Variants in WDHD1 observed in about 807,000 individuals in gnomAD.
WDHD1 encodes the protein WD repeat and HMG-box DNA binding protein 1.
A neutral mutation model predicts 135.4 loss-of-function variants in WDHD1; 111 were observed. The ratio of observed to expected loss-of-function variants is 0.82; its 90% CI spans 0.70 to 0.96. WDHD1 has a LOEUF of 0.96. Among genes scored for constraint, WDHD1 ranks in the 40% least tolerant of loss-of-function variants. The pLI is 0.00. For missense variants in WDHD1, 1,351 were observed against 1,336.3 expected, an observed-to-expected ratio of 1.01 and a Z score of -0.17; for synonymous variants, 434 against 439.0, an observed-to-expected ratio of 0.99 and a Z score of 0.14.
intron 24 of WDHD1, among the ~76,000 whole-genome samples, chr14:54,953,053 A>C (rs1369281745): frequency 6.6e-6 from 1 of 152,238 alleles, no homozygotes; most frequent in Admixed American, 6.5e-5. Flanking sequence ...ACCATTCAGG[A>C]TATAGGAATG....
At chr14:55,014,473 T>C (rs541504106) in intron 2 of WDHD1, among the ~76,000 whole-genome samples, 1 of 152,318 alleles carries the variant, frequency 6.6e-6, no homozygotes, top group East Asian at 1.9e-4. Context: ...ATCTTCCTTG[T>C]CCACCATTGT....
chr14:55,010,006 A>T (rs2042140933), intron 4 of WDHD1, among the ~76,000 whole-genome samples: 1 of 151,074 alleles, frequency 6.6e-6, no homozygotes, highest in African/African-American at 2.4e-5. Flanking sequence ...ATTAGTAGAG[A>T]CGGGGTTTTG....
chr14:54,973,549 T>A (rs1216314955), intron 16 of WDHD1, among the ~76,000 whole-genome samples: 1 of 152,204 alleles, frequency 6.6e-6, no homozygotes, highest in Non-Finnish European at 1.5e-5. Flanking sequence ...CCACACAGTA[T>A]GAGGTGGCAG....
chr14:55,013,686 G>T, intron 2 of WDHD1, 90 bp from the exon 3 acceptor site: 1 of 971,368 alleles, frequency 1.0e-6, no homozygotes, highest in Non-Finnish European at 1.6e-6. Flanking sequence ...TGGGAGGATT[G>T]CTTGAGGCCA....
intron 10 of WDHD1, 137 bp downstream of exon 10, chr14:55,000,366 A>G: frequency 1.1e-6 from 1 of 895,568 alleles, no homozygotes. Flanking sequence ...TTTTCTTACT[A>G]TAGATTACTA....
At chr14:54,950,031 G>C (rs952802579) in intron 24 of WDHD1, among the ~76,000 whole-genome samples, 2 of 152,274 alleles carry the variant, frequency 1.3e-5, no homozygotes, top group Middle Eastern at 3.4e-3. Context: ...ACCAGCCACT[G>C]AAAAAACATG....
chr14:54,982,465 C>T (rs2041634562), intron 15 of WDHD1, among the ~76,000 whole-genome samples: 4 of 152,062 alleles, frequency 2.6e-5, no homozygotes, highest in Admixed American at 2.6e-4. Flanking sequence ...TTTTTGTTGG[C>T]CTTGTCACTA....
chr14:54,950,060 C>T (rs529895286), intron 24 of WDHD1, among the ~76,000 whole-genome samples: 1,690 of 152,284 alleles, frequency 0.011, 37 homozygotes, highest in African/African-American at 0.038. Flanking sequence ...TAAAGACCAT[C>T]AAGGCTAGGA....
chr14:55,011,463 G>C (rs2042167697), intron 3 of WDHD1, among the ~76,000 whole-genome samples: 1 of 139,414 alleles, frequency 7.2e-6, no homozygotes, highest in South Asian at 2.3e-4. Context: ...GGCGGCGGTT[G>C]CAGTGAGCTG....
At chr14:55,000,432 T>C in intron 10 of WDHD1, 71 bp downstream of exon 10, 1 of 1,435,708 alleles carries the variant, frequency 7.0e-7, no homozygotes, top group East Asian at 2.6e-5. Context: ...TAAGGCAGTT[T>C]GTGGTGTCTT....
intron 18 of WDHD1, among the ~76,000 whole-genome samples, chr14:54,964,150 G>C (rs928507565): frequency 4.6e-5 from 7 of 152,016 alleles, no homozygotes; most frequent in African/African-American, 1.7e-4. Flanking sequence ...AGAAAAGTTG[G>C]TATTTTGAAG....
intron 16 of WDHD1, among the ~76,000 whole-genome samples, chr14:54,974,599 G>A (rs933655362): frequency 6.6e-6 from 1 of 151,906 alleles, no homozygotes; most frequent in African/African-American, 2.4e-5. Context: ...GCCAAGGCCG[G>A]CAGATCACCT....
intron 16 of WDHD1, 96 bp downstream of exon 16, chr14:54,981,444 T>A (rs953702797): frequency 2.7e-5 from 33 of 1,226,412 alleles, no homozygotes; most frequent in Non-Finnish European, 3.6e-5. Flanking sequence ...GTAATTGGAC[T>A]AAGATAAAAG....
intron 7 of WDHD1, among the ~76,000 whole-genome samples, chr14:55,004,362 T>C (rs1042352154): frequency 3.9e-5 from 6 of 152,234 alleles, no homozygotes; most frequent in African/African-American, 1.4e-4. Context: ...TAACTTTATG[T>C]TTTATTATCT....
intron 21 of WDHD1, 137 bp downstream of exon 21, chr14:54,962,360 GA>G (rs1566713219): frequency 1.4e-6 from 1 of 706,780 alleles, no homozygotes; most frequent in Non-Finnish European, 2.5e-6. Context: ...AACAACATCT[GA>G]GATTAAAAAA....
At chr14:54,944,278 T>C in intron 25 of WDHD1, 54 bp downstream of exon 25, 1 of 1,592,416 alleles carries the variant, frequency 6.3e-7, no homozygotes, top group Non-Finnish European at 8.5e-7. Flanking sequence ...TCTATAAGAA[T>C]TTTTTAAATC....
At chr14:54,961,462 T>G (rs975109025) in intron 21 of WDHD1, among the ~76,000 whole-genome samples, 4 of 152,198 alleles carry the variant, frequency 2.6e-5, no homozygotes, top group African/African-American at 9.6e-5. Flanking sequence ...CACACCACCC[T>G]TTTGCAGCCT....
chr14:54,951,532 C>T (rs1049468889), intron 24 of WDHD1, among the ~76,000 whole-genome samples: 5 of 152,232 alleles, frequency 3.3e-5, no homozygotes, highest in Admixed American at 3.3e-4. Context: ...ATAAAAAGTC[C>T]AGGACCAGAT....
intron 10 of WDHD1, among the ~76,000 whole-genome samples, chr14:54,999,521 G>GA (rs1193692129): frequency 6.6e-6 from 1 of 152,192 alleles, no homozygotes; most frequent in Non-Finnish European, 1.5e-5. Flanking sequence ...TCAACTTCCA[G>GA]AAACTACAGT....
Sources: gnomAD v4.1 joint callset for allele counts (sites outside exome capture counted in the v4.1 genomes callset) on GRCh38, gnomAD v4.1.1 for gene constraint, MANE v1.5 for transcripts, NCBI Gene and HGNC (gene_info 2026-07-23, HGNC 2026-07-21) for gene names.